The following CYP4F12 variants were observed in gnomAD, a reference collection of about 807,000 sequenced individuals.
The protein encoded by CYP4F12 is cytochrome P450 family 4 subfamily F member 12, also known as cytochrome P450 4F12.
A neutral mutation model predicts 56.5 loss-of-function variants in CYP4F12; 60 were observed. The ratio of observed to expected loss-of-function variants is 1.06; its 90% CI spans 0.86 to 1.32. The LOEUF (loss-of-function observed/expected upper bound fraction) is 1.32. Among genes scored for constraint, CYP4F12 ranks in the 40% most tolerant of loss-of-function variants. The pLI, the probability that CYP4F12 is intolerant of heterozygous loss-of-function variation, is 0.00. For synonymous variants in CYP4F12, 263 were observed against 264.9 expected (o/e 0.99, Z 0.07); for missense variants, 711 against 683.5 (o/e 1.04, Z -0.45).
chr19:15,697,131 A>T lies in CYP4F12; in HGVS notation c.*46A>T. ...TTTTTTTGCAGATTGTCATGAATAA[A>T]ACGGTGCTGTCACCTCTGCCTGGGC... On this transcript the variant is annotated 3_prime_UTR_variant, in exon 13 of 13. Transcript: ENST00000550308. The T allele has an allele frequency of 6.3e-7, 1 of 1,579,530 alleles. No individual in the cohort carries two copies. Among genetic ancestry groups the T allele is most frequent in the Non-Finnish European group, 8.6e-7 (1 of 1,157,470 alleles).
At chr19:15,696,246 C>T in intron 11 of CYP4F12, 21 bp downstream of exon 11, 1 of 1,613,818 alleles carries the variant, frequency 6.2e-7, no homozygotes, top group Non-Finnish European at 8.5e-7. Flanking sequence ...CCCCATTCAC[C>T]ACCACCACCC....
At position 15,678,383 on chromosome 19, in the gene CYP4F12, C is replaced by A. The variant is rs770681174; in HGVS notation, c.321C>A (p.Ile107=). The A allele has an allele frequency of 6.8e-6, 11 of 1,614,070 alleles. No homozygotes were observed. Among genetic ancestry groups the A allele is most frequent in the South Asian group, 1.1e-5 (1 of 91,084 alleles). The change falls in exon 3 of 13, where the codon ATC becomes ATA. Residue 107 remains isoleucine, a synonymous_variant. Transcript: ENST00000550308. ...TCGTTTTATGCCACCCTGACACCAT[C>A]CGGTCTATCACCAATGCCTCAGGTA... ...PFIVLCHPDT[I]RSITNASAAI... is the part of the protein sequence containing the mutation.
At chr19:15,683,845 C>T in intron 7 of CYP4F12, 82 bp downstream of exon 7, 2 of 1,470,970 alleles carry the variant, frequency 1.4e-6, no homozygotes, top group East Asian at 2.4e-5. Context: ...GGTTTTGATC[C>T]AAAGGGCACT....
At chr19:15,693,994 G>A (rs1387739467) in intron 9 of CYP4F12, among the ~76,000 whole-genome samples, 1 of 151,358 alleles carries the variant, frequency 6.6e-6, no homozygotes, top group East Asian at 1.9e-4. Flanking sequence ...AGATCAGATA[G>A]TTGTAGACAT....
chr19:15,681,696 C>A (rs2007309154), intron 5 of CYP4F12: 1 of 152,266 alleles, frequency 6.6e-6, no homozygotes, highest in Non-Finnish European at 1.5e-5. Context: ...TGGTTATCTG[C>A]AAATACAACT....
intron 6 of CYP4F12, among the ~76,000 whole-genome samples, chr19:15,683,072 G>A (rs544619408): frequency 3.4e-5 from 5 of 147,606 alleles, no homozygotes; most frequent in Non-Finnish European, 5.9e-5. Context: ...GAGAGAGGGA[G>A]AGAGAGAGAG....
chr19:15,691,209 C>G (rs613036), intron 9 of CYP4F12, among the ~76,000 whole-genome samples: 44,297 of 152,028 alleles, frequency 0.29, 7,181 homozygotes, highest in African/African-American at 0.42. Flanking sequence ...TAGCTGTATA[C>G]TATTCCATTG....
intron 2 of CYP4F12, among the ~76,000 whole-genome samples, chr19:15,675,800 A>T (rs11671300): frequency 0.93 from 141,087 of 152,164 alleles, 65,469 homozygotes; most frequent in East Asian, 1. Flanking sequence ...CTGTGGCTTC[A>T]TCTAGGGAGG....
At chr19:15,680,655 T>C in intron 5 of CYP4F12, 136 bp downstream of exon 5, 1 of 1,158,850 alleles carries the variant, frequency 8.6e-7, no homozygotes, top group Non-Finnish European at 1.3e-6. Context: ...TTTCCTCATC[T>C]GTAAAATGGG....
rs1360183941 is a variant in CYP4F12 at position 15,696,235 on chromosome 19, TC to T, written c.1314+14del. The T allele has an allele frequency of 6.2e-7, 1 of 1,614,018 alleles. No homozygotes were observed. On this transcript the variant is annotated intron_variant, in intron 11 of 12. Coordinates refer to ENST00000550308, the MANE Select transcript of CYP4F12 (RefSeq NM_023944.4). Reference sequence around the variant, plus strand: ...GTGGCCGGATCCTGAGGTGCTGCCTTCCCCATTCACCACCACCACCCCCATC... The same window carrying T: ...GTGGCCGGATCCTGAGGTGCTGCCTTCCCATTCACCACCACCACCCCCATC...
intron 2 of CYP4F12, among the ~76,000 whole-genome samples, chr19:15,677,014 A>C (rs111163899): frequency 0.013 from 112 of 8,580 alleles, no homozygotes; most frequent in Middle Eastern, 0.062. Flanking sequence ...TTCCAATACC[A>C]ACTCACTCAT....
At chr19:15,676,400 C>G (rs375647049) in intron 2 of CYP4F12, among the ~76,000 whole-genome samples, 1 of 50,012 alleles carries the variant, frequency 2.0e-5, no homozygotes, top group Non-Finnish European at 4.4e-5. Context: ...TCCTCACTCA[C>G]TCATTCCTGT....
At chr19:15,683,040 T>C (rs145905222) in intron 6 of CYP4F12, among the ~76,000 whole-genome samples, 2,530 of 151,676 alleles carry the variant, frequency 0.017, 2 homozygotes, top group African/African-American at 0.059. Flanking sequence ...CCCAGCTGCT[T>C]CTTCTTTCTT....
chr19:15,696,485 C>G lies in CYP4F12; in HGVS notation c.1370C>G (p.Ala457Gly). 6.2e-7 allele frequency: 1 copy of G among 1,614,094 alleles called. No individual in the cohort carries two copies. The highest frequency in any genetic ancestry group is 8.5e-7 in the Non-Finnish European group (1 of 1,180,020). Reference sequence around the variant, plus strand: ...AACAGCAAGGGGAGGTCACCTCTGGCTTTTATTCCTTTCTCCGCAGGGCCC... The same window carrying G: ...AACAGCAAGGGGAGGTCACCTCTGGGTTTTATTCCTTTCTCCGCAGGGCCC... The part of the protein sequence containing the change: ...PENSKGRSPL[A>G]FIPFSAGPRN... Residue 457 changes from alanine (A) to glycine (G), a missense_variant, in exon 12 of 13, where the codon GCT (alanine) becomes GGT (glycine). Ala to Gly is a moderately conservative substitution (Grantham distance 60). Coordinates refer to ENST00000550308, the MANE Select transcript of CYP4F12 (RefSeq NM_023944.4).
chr19:15,688,619 A>G (rs2007731638), intron 9 of CYP4F12, among the ~76,000 whole-genome samples: 1 of 152,238 alleles, frequency 6.6e-6, no homozygotes, highest in African/African-American at 2.4e-5. Flanking sequence ...TCTAAAATTC[A>G]TATGGAACCA....
chr19:15,689,697 A>T (rs2007786568), intron 9 of CYP4F12, among the ~76,000 whole-genome samples: 1 of 152,224 alleles, frequency 6.6e-6, no homozygotes, highest in South Asian at 2.1e-4. Flanking sequence ...GTACGGAACC[A>T]ACCTAACTGC....
chr19:15,695,847 G>C (rs1239744979), intron 9 of CYP4F12, 89 bp from the exon 10 acceptor site: 1 of 1,497,916 alleles, frequency 6.7e-7, no homozygotes, highest in Non-Finnish European at 8.9e-7. Flanking sequence ...TTTTGTGATA[G>C]GGAGAAAAGG....
At chr19:15,685,239 G>C (rs753414610) in intron 9 of CYP4F12, 42 bp downstream of exon 9, 1 of 1,599,280 alleles carries the variant, frequency 6.3e-7, no homozygotes, top group Non-Finnish European at 8.5e-7. Flanking sequence ...GCCCATCATT[G>C]GTTCTGCTCC....
chr19:15,688,271 G>C (rs1411809148), intron 9 of CYP4F12, among the ~76,000 whole-genome samples: 1 of 151,954 alleles, frequency 6.6e-6, no homozygotes, highest in South Asian at 2.1e-4. Flanking sequence ...CTGTGAGGCA[G>C]AGGCAGTTAT....
Sources: gnomAD v4.1 joint callset for allele counts (sites outside exome capture counted in the v4.1 genomes callset) on GRCh38, gnomAD v4.1.1 for gene constraint, MANE v1.5 for transcripts, NCBI Gene and HGNC (gene_info 2026-07-23, HGNC 2026-07-21) for gene names.